Variants in ZSCAN25 observed in about 807,000 individuals in gnomAD.
ZSCAN25 encodes zinc finger and SCAN domain-containing protein 25.
ZSCAN25 carries 27 observed loss-of-function variants against 38.7 expected under a neutral mutation model. That is an observed-to-expected ratio of 0.70 (90% CI 0.51 to 0.96). The LOEUF is 0.96. ZSCAN25 is among the 40% of genes least tolerant of loss of function. ZSCAN25 has a pLI of 0.00. For synonymous variants in ZSCAN25, 273 were observed against 277.7 expected (o/e 0.98, Z 0.17); for missense variants, 637 against 705.9 (o/e 0.90, Z 1.11).
At chr7:99,685,563 G>C in the ZSCAN25 span, among the ~76,000 whole-genome samples, 2 of 152,220 alleles carry the variant, frequency 1.3e-5, no homozygotes, top group Admixed American at 1.3e-4. Context: ...GTGCAAACTT[G>C]TGGTTTCGCA....
At position 99,619,656 on chromosome 7, in the gene ZSCAN25, G is replaced by A. The variant is rs756644497; in HGVS notation, c.50G>A (p.Gly17Asp). Residue 17 changes from glycine to aspartate, a missense_variant, in exon 4 of 8, where the codon GGT becomes GAT. Gly to Asp is a moderately conservative substitution (Grantham distance 94, BLOSUM62 -1). Transcript: ENST00000394152. ...GCGGAAGCTCCTCAGCAGCAGTTGGGTATTCCTGTGGTGAAACTGGAGAAA... is the reference window on the plus strand; with the variant it reads ...GCGGAAGCTCCTCAGCAGCAGTTGGATATTCCTGTGGTGAAACTGGAGAAA... ...EMAEAPQQQL[G>D]IPVVKLEKEL... 3.7e-6 allele frequency: 6 copies of A among 1,614,132 alleles called. No homozygotes were observed. In the South Asian group the frequency reaches 6.6e-5, roughly 18 times the overall value.
the ZSCAN25 span, among the ~76,000 whole-genome samples, chr7:99,686,622 C>T: frequency 2.0e-5 from 3 of 152,338 alleles, no homozygotes; most frequent in African/African-American, 7.2e-5. Context: ...CCTCTGCAGA[C>T]TTAAATGTCC....
intron 5 of ZSCAN25, 197 bp downstream of exon 5, chr7:99,621,771 G>A (rs550820491): frequency 4.1e-5 from 17 of 409,730 alleles, no homozygotes; most frequent in African/African-American, 2.9e-4. Context: ...GGTGTCTGGA[G>A]GGGATATCTG....
At chr7:99,645,520 G>A in the ZSCAN25 span, among the ~76,000 whole-genome samples, 1 of 152,070 alleles carries the variant, frequency 6.6e-6, no homozygotes, top group East Asian at 1.9e-4. Context: ...AGATCTTTGA[G>A]GAATTGCCAC....
chr7:99,672,954 G>C, the ZSCAN25 span: 1 of 1,177,274 alleles, frequency 8.5e-7, no homozygotes, highest in East Asian at 3.9e-5. Flanking sequence ...ATTATGGTTA[G>C]AAATGACAGT....
At chr7:99,651,183 G>A in the ZSCAN25 span, among the ~76,000 whole-genome samples, 3 of 152,166 alleles carry the variant, frequency 2.0e-5, no homozygotes, top group South Asian at 2.1e-4. Flanking sequence ...TAGATATATG[G>A]AGATGCACGA....
At chr7:99,705,664 T>TAA in the ZSCAN25 span, 1 of 1,560,348 alleles carries the variant, frequency 6.4e-7, no homozygotes, top group Non-Finnish European at 8.8e-7. Flanking sequence ...AGCATCAAAG[T>TAA]AAAAAAAAAT....
chr7:99,621,508 G>C lies in ZSCAN25; in HGVS notation c.523G>C (p.Asp175His). ...MPPGEGVQGP[D>H]PGTEEQLSQD... The stretch of plus-strand genomic sequence containing the variant: ...CCCTGGGGAAGGAGTTCAAGGTCCA[G>C]ACCCAGGTACCGAGGAGCAGCTCAG... Residue 175 changes from aspartate (D) to histidine (H), a missense_variant, in exon 5 of 8, where the codon GAC (aspartate) becomes CAC (histidine). Physicochemically the swap from Asp to His is moderately conservative, Grantham distance 81. Transcript: ENST00000394152. 6.4e-7 allele frequency: 1 copy of C among 1,571,186 alleles called. No individual in the cohort carries two copies. Among genetic ancestry groups the C allele is most frequent in the East Asian group, 2.3e-5 (1 of 42,716 alleles).
the ZSCAN25 span, among the ~76,000 whole-genome samples, chr7:99,698,236 C>T: frequency 1.3e-5 from 2 of 152,350 alleles, no homozygotes; most frequent in East Asian, 3.9e-4. Flanking sequence ...AAGGCATTGT[C>T]TGCCTGGCTG....
chr7:99,636,028 C>CA, downstream of ZSCAN25, among the ~76,000 whole-genome samples: 1 of 112,324 alleles, frequency 8.9e-6, no homozygotes, highest in Non-Finnish European at 1.6e-5. Flanking sequence ...GCCTGGGCAA[C>CA]AGAGCGAGAC....
At chr7:99,652,381 G>A in the ZSCAN25 span, 19 of 512,556 alleles carry the variant, frequency 3.7e-5, no homozygotes, top group East Asian at 1.6e-4. Flanking sequence ...ATGTAGTTTC[G>A]TTTTTTCTAG....
At chr7:99,635,287 A>G (rs750875700), downstream of ZSCAN25, among the ~76,000 whole-genome samples, 1 of 152,064 alleles carries the variant, frequency 6.6e-6, no homozygotes. Context: ...AGACTCATTT[A>G]CTTATATTAA....
At chr7:99,626,754 T>C (rs1807502051) in intron 7 of ZSCAN25, among the ~76,000 whole-genome samples, 1 of 152,206 alleles carries the variant, frequency 6.6e-6, no homozygotes. Context: ...TAAAATAATA[T>C]CATGAACCAT....
the ZSCAN25 span, among the ~76,000 whole-genome samples, chr7:99,721,614 A>G: frequency 6.6e-6 from 1 of 152,230 alleles, no homozygotes; most frequent in Non-Finnish European, 1.5e-5. Flanking sequence ...GGTAACCACA[A>G]TGGTCTCAGC....
chr7:99,698,434 C>G, the ZSCAN25 span, among the ~76,000 whole-genome samples: 1 of 152,180 alleles, frequency 6.6e-6, no homozygotes, highest in Admixed American at 6.5e-5. Context: ...GGAATATTTT[C>G]TTACTTCATA....
At chr7:99,725,442 G>A in the ZSCAN25 span, among the ~76,000 whole-genome samples, 1 of 152,206 alleles carries the variant, frequency 6.6e-6, no homozygotes, top group Non-Finnish European at 1.5e-5. Context: ...TCCAGTGTAA[G>A]ACAACCCAAG....
At chr7:99,654,313 C>T in the ZSCAN25 span, among the ~76,000 whole-genome samples, 904 of 152,140 alleles carry the variant, frequency 5.9e-3, 24 homozygotes, top group Admixed American at 0.054. Context: ...TTCCCACCTA[C>T]GAGTGAGAAC....
Position 99,621,398 on chromosome 7 carries a change from A to G in ZSCAN25, c.413A>G (p.Gln138Arg). Residue 138 changes from glutamine (Q) to arginine (R), a missense_variant, in exon 5 of 8, where the codon CAG (glutamine) becomes CGG (arginine). Coordinates refer to ENST00000394152, the MANE Select transcript of ZSCAN25 (RefSeq NM_145115.3). Reference protein sequence around the residue: ...KAVPCHRQGEQEETALCRGAW... With the variant: ...KAVPCHRQGEREETALCRGAW... ...GTTCCATGCCACAGGCAGGGAGAGC[A>G]GGAGGAAACAGCACTTTGCAGAGGC... The G allele has an allele frequency of 2.0e-6, 3 of 1,470,832 alleles. No individual in the cohort carries two copies. The highest frequency in any genetic ancestry group is 2.5e-5 in the East Asian group (1 of 39,664). 91.1% of individuals were successfully genotyped at this position (1,470,832 alleles called of 1,614,324 possible). A position where few individuals can be genotyped will look rare whatever the true frequency, so the allele number is the denominator to read the frequency against.
chr7:99,690,456 G>T, the ZSCAN25 span, among the ~76,000 whole-genome samples: 6 of 152,008 alleles, frequency 3.9e-5, no homozygotes, highest in African/African-American at 1.4e-4. Flanking sequence ...GGGATCTAAT[G>T]AAACTAAAGA....
Sources: allele counts gnomAD v4.1 joint callset (sites outside exome capture counted in the v4.1 genomes callset), GRCh38; gene constraint gnomAD v4.1.1; transcripts MANE v1.5; gene names NCBI Gene and HGNC (gene_info 2026-07-23, HGNC 2026-07-21).